Variants in SLC2A10 observed in about 807,000 individuals in gnomAD.
SLC2A10 encodes solute carrier family 2 member 10, also known as solute carrier family 2, facilitated glucose transporter member 10.
A neutral mutation model predicts 32.1 loss-of-function variants in SLC2A10; 25 were observed. That is an observed-to-expected ratio of 0.78 (90% confidence interval 0.57 to 1.09). The LOEUF is 1.09. SLC2A10 is among the 50% of genes least tolerant of loss of function. The pLI, the probability that SLC2A10 is intolerant of heterozygous loss-of-function variation, is 0.00. For synonymous variants in SLC2A10, 332 were observed against 309.6 expected (o/e 1.07, Z -0.76); for missense variants, 673 against 686.5 (o/e 0.98, Z 0.22).
chr20:46,728,582 G>A (rs528740277), intron 3 of SLC2A10, among the ~76,000 whole-genome samples: 8 of 148,968 alleles, frequency 5.4e-5, no homozygotes, highest in Admixed American at 2.7e-4. Context: ...CTGAATGACC[G>A]ATTCATGGAA....
intron 1 of SLC2A10, chr20:46,714,569 A>C (rs548970662): frequency 6.6e-6 from 1 of 152,662 alleles, no homozygotes; most frequent in Admixed American, 6.5e-5. Context: ...GAACAAGGAC[A>C]GTGCACGTAG....
rs545801780 is a variant in SLC2A10 at position 46,726,959 on chromosome 20, A to C, written c.1384A>C (p.Ile462Leu). 2 of 1,614,222 alleles carry C rather than the reference A, an allele frequency of 1.2e-6. No homozygotes were observed. Among genetic ancestry groups the C allele is most frequent in the East Asian group, 4.5e-5 (2 of 44,894 alleles). The change falls in exon 3 of 5, where the codon ATC becomes CTC. Residue 462 changes from isoleucine to leucine, a missense_variant. Ile to Leu is a conservative substitution (Grantham distance 5). Coordinates refer to ENST00000359271, the MANE Select transcript of SLC2A10 (RefSeq NM_030777.4). The part of the protein sequence containing the change: ...NSFNWAANLF[I>L]SLSFLDLIGT... ...CTTCAACTGGGCGGCCAACCTCTTCATCAGCCTCTCCTTCCTCGATCTCAT... is the reference window on the plus strand; with the variant it reads ...CTTCAACTGGGCGGCCAACCTCTTCCTCAGCCTCTCCTTCCTCGATCTCAT...
In SLC2A10 at chr20:46,735,552, C is replaced by G. The variant is rs6066056; in HGVS notation, c.*1718C>G. On this transcript the variant is annotated 3_prime_UTR_variant, in exon 5 of 5. Transcript: ENST00000359271. Reference sequence around the variant, plus strand: ...TCTACATAGTAACTCTTATGGAGACCTAGGGGAGACACCGCGCATCTCTTC... The same window carrying G: ...TCTACATAGTAACTCTTATGGAGACGTAGGGGAGACACCGCGCATCTCTTC... 2.0e-5 allele frequency: 3 copies of G among 152,092 alleles called. No homozygotes were observed. The highest frequency in any genetic ancestry group is 7.2e-5 in the African/African-American group (3 of 41,392). 9.4% of individuals were successfully genotyped at this position (152,092 alleles called of 1,614,324 possible). A position where few individuals can be genotyped will look rare whatever the true frequency, so the allele number is the denominator to read the frequency against.
At chr20:46,730,651 G>A (rs1037251838) in intron 4 of SLC2A10, among the ~76,000 whole-genome samples, 10 of 152,158 alleles carry the variant, frequency 6.6e-5, no homozygotes, top group African/African-American at 2.2e-4. Context: ...AGGAAGGGAA[G>A]AGCGTGGAGG....
chr20:46,734,181 G>A lies in SLC2A10; in HGVS notation c.*347G>A, dbSNP rs145426891. Reference sequence around the variant, plus strand: ...TCAAGGGTACCAATCCTGGCAGGAAGTCTCTCCCGATATCACCCCTAAATC... The same window carrying A: ...TCAAGGGTACCAATCCTGGCAGGAAATCTCTCCCGATATCACCCCTAAATC... On this transcript the variant is annotated 3_prime_UTR_variant, in exon 5 of 5. Coordinates refer to ENST00000359271, the MANE Select transcript of SLC2A10 (RefSeq NM_030777.4). The A allele has an allele frequency of 1.3e-3, 491 of 376,664 alleles. No homozygotes were observed. The highest frequency in any genetic ancestry group is 9.7e-3 in the African/African-American group (471 of 48,460). The allele number at this position is 376,664 out of a possible 1,614,324, so 23.3% of individuals were successfully genotyped here. A position where few individuals can be genotyped will look rare whatever the true frequency, so the allele number is the denominator to read the frequency against.
At position 46,729,443 on chromosome 20, in the gene SLC2A10, A is replaced by G; in HGVS notation, c.1502A>G (p.Lys501Arg). 6.2e-7 allele frequency: 1 copy of G among 1,614,046 alleles called. No individual in the cohort carries two copies. The highest frequency in any genetic ancestry group is 1.3e-5 in the African/African-American group (1 of 74,980). ...ATCTATTTATTTGTTCCTGAAACAAAAGGCCAGTCGTTGGCAGAGATAGAC... is the reference window on the plus strand; with the variant it reads ...ATCTATTTATTTGTTCCTGAAACAAGAGGCCAGTCGTTGGCAGAGATAGAC... ...GFIYLFVPET[K>R]GQSLAEIDQQ... The change falls in exon 4 of 5, where the codon AAA (lysine) becomes AGA (arginine). Residue 501 changes from lysine to arginine, a missense_variant. Physicochemically the swap from Lys to Arg is conservative, Grantham distance 26. Coordinates refer to ENST00000359271, the MANE Select transcript of SLC2A10 (RefSeq NM_030777.4).
rs34295241 is a variant in SLC2A10, at chr20:46,725,710, G to A, written c.674G>A (p.Arg225His). 1,477 of 1,614,086 alleles carry A rather than the reference G, an allele frequency of 9.2e-4. 9 individuals carry two copies. In the African/African-American group the frequency reaches 0.01, roughly 11 times the overall value. The change falls in exon 2 of 5, where the codon CGC (arginine) becomes CAC (histidine). Residue 225 changes from arginine to histidine, a missense_variant. Transcript: ENST00000359271. Reference sequence around the variant, plus strand: ...TCCTTTCTGGACCTCTTCAGGGCACGCGATAACATGCGAGGCCGGACCACA... The same window carrying A: ...TCCTTTCTGGACCTCTTCAGGGCACACGATAACATGCGAGGCCGGACCACA... ...RYSFLDLFRA[R>H]DNMRGRTTVG...
intron 1 of SLC2A10, among the ~76,000 whole-genome samples, chr20:46,713,988 C>T (rs1979078871): frequency 6.6e-6 from 1 of 152,052 alleles, no homozygotes; most frequent in South Asian, 2.1e-4. Flanking sequence ...CACTGAAAGG[C>T]ACTAAGCAAA....
chr20:46,725,817 G>C lies in SLC2A10; in HGVS notation c.781G>C (p.Val261Leu). 1 of 1,614,238 alleles carries C rather than the reference G, an allele frequency of 6.2e-7. No individual in the cohort carries two copies. The highest frequency in any genetic ancestry group is 8.5e-7 in the Non-Finnish European group (1 of 1,180,036). The stretch of plus-strand genomic sequence containing the variant: ...CTATGCCTCCACCATCTTCAGCTCC[G>C]TTGGTTTCCATGGGGGATCCTCAGC... ...LCYASTIFSSVGFHGGSSAVL... is the reference protein window; with the variant it reads ...LCYASTIFSSLGFHGGSSAVL... The change falls in exon 2 of 5, where the codon GTT (valine) becomes CTT (leucine). Residue 261 changes from valine to leucine, a missense_variant. Physicochemically the swap from Val to Leu is conservative, Grantham distance 32. Coordinates refer to ENST00000359271, the MANE Select transcript of SLC2A10 (RefSeq NM_030777.4).
At chr20:46,711,330 G>C (rs898598577) in intron 1 of SLC2A10, among the ~76,000 whole-genome samples, 5 of 152,172 alleles carry the variant, frequency 3.3e-5, no homozygotes, top group African/African-American at 7.2e-5. Flanking sequence ...ATGGAGAGGA[G>C]AAGCTGGGAA....
rs758755401 is a variant in SLC2A10 at position 46,722,152 on chromosome 20, G to T, written c.5-2889G>T. ...CTCTTTAAAAAAAAAACCAGATCTGGCAGTTCTTGACCTTCCTGTTTTCCA... is the reference window on the plus strand; with the variant it reads ...CTCTTTAAAAAAAAAACCAGATCTGTCAGTTCTTGACCTTCCTGTTTTCCA... On this transcript the variant is annotated intron_variant, in intron 1 of 4. Transcript: ENST00000359271. Among the ~76,000 whole-genome samples the T allele has an allele frequency of 3.0e-4, 45 of 152,154 alleles. 1 individual carries two copies. Among genetic ancestry groups the T allele is most frequent in the Middle Eastern group, 3.4e-3 (1 of 292 alleles).
chr20:46,717,667 G>A (rs566412608), intron 1 of SLC2A10, among the ~76,000 whole-genome samples: 6 of 152,250 alleles, frequency 3.9e-5, no homozygotes, highest in South Asian at 2.1e-4. Flanking sequence ...TTATAGGTGC[G>A]AGCCACCACA....
At position 46,725,479 on chromosome 20, in the gene SLC2A10, T is replaced by C. The variant is rs863223732; in HGVS notation, c.443T>C (p.Leu148Pro). The change falls in exon 2 of 5, where the codon CTG becomes CCG. Residue 148 changes from leucine to proline, a missense_variant. Coordinates refer to ENST00000359271, the MANE Select transcript of SLC2A10 (RefSeq NM_030777.4). ...LYEAGITVGI[L>P]LSYALNYALA... ...GAGGCAGGCATCACCGTGGGCATCCTGCTCTCCTATGCCCTCAACTATGCA... is the reference window on the plus strand; with the variant it reads ...GAGGCAGGCATCACCGTGGGCATCCCGCTCTCCTATGCCCTCAACTATGCA... 6 of 1,614,070 alleles carry C rather than the reference T, an allele frequency of 3.7e-6. No individual in the cohort carries two copies. In the African/African-American group the frequency reaches 8.0e-5, roughly 22 times the overall value.
chr20:46,729,501 CA>C lies in SLC2A10; in HGVS notation c.1547+14del, dbSNP rs774372851. ...TCCAGAAGAGACGGTAGGAAGCTGA[CA>C]GGGTGGGTCTGGGGGAAGAGCTGTA... On this transcript the variant is annotated intron_variant, in intron 4 of 4. Transcript: ENST00000359271. 1.6e-5 allele frequency: 26 copies of C among 1,613,780 alleles called. No individual in the cohort carries two copies. The Admixed American group carries it at 3.5e-4, about 22-fold the overall frequency.
At chr20:46,709,291 A>C (rs1008110078), upstream of SLC2A10, among the ~76,000 whole-genome samples, 6 of 151,928 alleles carry the variant, frequency 3.9e-5, no homozygotes, top group Non-Finnish European at 7.4e-5. Context: ...GTGTGTGCGC[A>C]CGCTGGGGAG....
intron 1 of SLC2A10, among the ~76,000 whole-genome samples, chr20:46,720,078 T>C (rs2143044): frequency 0.48 from 72,833 of 152,042 alleles, 18,415 homozygotes; most frequent in East Asian, 0.69. Flanking sequence ...ATCTTCCCAC[T>C]GGCTCTGAAA....
At position 46,726,334 on chromosome 20, in the gene SLC2A10, G is replaced by A. The variant is rs76315093; in HGVS notation, c.1288+10G>A. On this transcript the variant is annotated intron_variant, in intron 2 of 4. Transcript: ENST00000359271. ...TTTGGGTTTGGGCCAGGTAAGTGGA[G>A]TTTTCTTGCAGGTGACTCTGGAGAC... 21,926 of 1,605,492 alleles carry A rather than the reference G, an allele frequency of 0.014. 196 individuals carry two copies. The highest frequency in any genetic ancestry group is 0.017 in the South Asian group (1,519 of 91,044).
At position 46,725,326 on chromosome 20, in the gene SLC2A10, C is replaced by T. The variant is rs772782894; in HGVS notation, c.290C>T (p.Ser97Phe). 6.2e-7 allele frequency: 1 copy of T among 1,614,082 alleles called. No homozygotes were observed. The highest frequency in any genetic ancestry group is 1.1e-5 in the South Asian group (1 of 91,082). ...AGSLTLGLAG[S>F]LAWLVLGRAV... Reference sequence around the variant, plus strand: ...AGCCTGACCCTGGGCCTGGCTGGTTCCCTGGCCTGGCTGGTCCTGGGCCGC... The same window carrying T: ...AGCCTGACCCTGGGCCTGGCTGGTTTCCTGGCCTGGCTGGTCCTGGGCCGC... The change falls in exon 2 of 5, where the codon TCC becomes TTC. Residue 97 changes from serine to phenylalanine, a missense_variant. Transcript: ENST00000359271.
intron 1 of SLC2A10, among the ~76,000 whole-genome samples, chr20:46,711,302 C>T (rs1394557456): frequency 6.6e-6 from 1 of 152,074 alleles, no homozygotes; most frequent in Non-Finnish European, 1.5e-5. Context: ...GAGGTGAGTT[C>T]CCCAAGGTCA....
Sources: gnomAD v4.1 joint callset for allele counts (sites outside exome capture counted in the v4.1 genomes callset) on GRCh38, gnomAD v4.1.1 for gene constraint, MANE v1.5 for transcripts, NCBI Gene and HGNC (gene_info 2026-07-23, HGNC 2026-07-21) for gene names.